The following PLXNA4 variants were observed in gnomAD, a reference collection of about 807,000 sequenced individuals.
The protein encoded by PLXNA4 is plexin-A4.
In PLXNA4, 44 loss-of-function variants were observed where a neutral mutation model predicts 191.8. The ratio of observed to expected loss-of-function variants is 0.23; its 90% confidence interval spans 0.18 to 0.29. PLXNA4 has a LOEUF of 0.29. Among genes scored for constraint, PLXNA4 ranks in the 10% least tolerant of loss-of-function variants. The probability of loss-of-function intolerance (pLI) is 1.00; values close to 1 mark genes in which losing one functional copy is unlikely to be tolerated. For synonymous variants in PLXNA4, 1,082 were observed against 1,009.5 expected (o/e 1.07, Z -1.36); for missense variants, 1,800 against 2,488.8 (o/e 0.72, Z 5.89).
chr7:132,191,743 A>G (rs899942808), intron 14 of PLXNA4, among the ~76,000 whole-genome samples: 1 of 130,678 alleles, frequency 7.7e-6, no homozygotes, highest in Non-Finnish European at 1.6e-5. Flanking sequence ...TTTAGCAAAT[A>G]CCTGGCGAAT....
chr7:132,201,000 T>C lies in PLXNA4; in HGVS notation c.2586+1646A>G, dbSNP rs562240331. Among the ~76,000 whole-genome samples, 6 of 152,340 alleles carry C rather than the reference T, an allele frequency of 3.9e-5. No individual in the cohort carries two copies. The South Asian group carries it at 1.0e-3, about 26-fold the overall frequency. On this transcript the variant is annotated intron_variant, in intron 12 of 31. Transcript: ENST00000321063. ...AAGTTCTAACCCCAGTGTCTCAGAA[T>C]GTGTCCTTATTTGAAGACAGGGTCT...
intron 4 of PLXNA4, among the ~76,000 whole-genome samples, chr7:132,293,735 T>C (rs1800976316): frequency 6.6e-6 from 1 of 152,224 alleles, no homozygotes; most frequent in Admixed American, 6.5e-5. Context: ...AGAAAATGTG[T>C]CCTTCAATCC....
intron 3 of PLXNA4, among the ~76,000 whole-genome samples, chr7:132,425,634 A>G (rs1795013226): frequency 6.6e-6 from 1 of 152,172 alleles, no homozygotes; most frequent in South Asian, 2.1e-4. Flanking sequence ...GCAGGCAGAC[A>G]GGGCCACACA....
intron 1 of PLXNA4, among the ~76,000 whole-genome samples, chr7:132,562,325 CCT>C (rs1170785051): frequency 5.8e-4 from 70 of 120,604 alleles, no homozygotes; most frequent in African/African-American, 1.6e-3. Flanking sequence ...TCTTCCTCCT[CCT>C]CTCTCTCCTC....
chr7:132,465,584 A>C (rs1380015786), intron 3 of PLXNA4, among the ~76,000 whole-genome samples: 2 of 152,134 alleles, frequency 1.3e-5, no homozygotes, highest in African/African-American at 4.8e-5. Context: ...ACCATCCAAA[A>C]TCTCTCTGGG....
At chr7:132,171,020 G>A (rs959636149) in intron 21 of PLXNA4, among the ~76,000 whole-genome samples, 2 of 152,134 alleles carry the variant, frequency 1.3e-5, no homozygotes, top group Non-Finnish European at 2.9e-5. Flanking sequence ...CCCACCACTG[G>A]GGGCTGATGA....
chr7:132,523,233 C>G (rs1234784123), intron 1 of PLXNA4, among the ~76,000 whole-genome samples: 2 of 152,016 alleles, frequency 1.3e-5, no homozygotes, highest in Admixed American at 6.6e-5. Context: ...AGTGTTAAGA[C>G]CTAAAAGAAA....
rs944457792 is a variant in PLXNA4 at position 132,489,371 on chromosome 7, C to A, written c.1292G>T (p.Arg431Leu). Residue 431 changes from arginine (R) to leucine (L), a missense_variant, in exon 3 of 32, where the codon CGC (arginine) becomes CTC (leucine). By Grantham distance (102) the Arg-to-Leu change is moderately radical. This residue lies in a region of PLXNA4 where 1,397 missense variants were observed against 1,880.4 expected (regional missense o/e 0.74). Transcript: ENST00000321063. ...GIPVFTEDRD[R>L]MTSVIAYVYK... Reference sequence around the variant, plus strand: ...GACATATGCGATGACAGACGTCATGCGGTCCCTGTCCTCCGTGAAGACGGG... The same window carrying A: ...GACATATGCGATGACAGACGTCATGAGGTCCCTGTCCTCCGTGAAGACGGG... 4 of 1,606,674 alleles carry A rather than the reference C, an allele frequency of 2.5e-6. No homozygotes were observed. The highest frequency in any genetic ancestry group is 1.1e-5 in the South Asian group (1 of 90,860).
intron 3 of PLXNA4, among the ~76,000 whole-genome samples, chr7:132,410,154 G>C (rs374367893): frequency 6.6e-6 from 1 of 152,106 alleles, no homozygotes; most frequent in Non-Finnish European, 1.5e-5. Flanking sequence ...CAACAGTTTT[G>C]GGCAAACAGG....
At chr7:132,592,383 T>A (rs1015270160) in intron 2 of PLXNA4, among the ~76,000 whole-genome samples, 1 of 152,182 alleles carries the variant, frequency 6.6e-6, no homozygotes. Flanking sequence ...CCAGGAGTCC[T>A]GACACCCGAT....
intron 2 of PLXNA4, among the ~76,000 whole-genome samples, chr7:132,501,352 G>A (rs1026242999): frequency 2.6e-5 from 4 of 152,154 alleles, no homozygotes; most frequent in Non-Finnish European, 5.9e-5. Flanking sequence ...CTGTGCTCGG[G>A]CTCATGACAT....
chr7:132,323,660 C>T (rs2116651052), intron 3 of PLXNA4, among the ~76,000 whole-genome samples: 1 of 152,300 alleles, frequency 6.6e-6, no homozygotes, highest in East Asian at 1.9e-4. Context: ...GTTCCACTTC[C>T]AGGCCACTAT....
At position 132,187,253 on chromosome 7, in the gene PLXNA4, C is replaced by T. The variant is rs185744653; in HGVS notation, c.2993+218G>A. 5.3e-5 allele frequency among the ~76,000 whole-genome samples: 8 copies of T among 152,258 alleles called. No homozygotes were observed. The East Asian group carries it at 5.8e-4, about 11-fold the overall frequency. On this transcript the variant is annotated intron_variant, in intron 15 of 31. Transcript: ENST00000321063. Reference sequence around the variant, plus strand: ...GAGACTGATTTGAATCATACAACTCCGATCTCCCATTTAGCCAGCTCTGTA... The same window carrying T: ...GAGACTGATTTGAATCATACAACTCTGATCTCCCATTTAGCCAGCTCTGTA...
chr7:132,621,549 G>A (rs376645643), intron 2 of PLXNA4, among the ~76,000 whole-genome samples: 2 of 152,122 alleles, frequency 1.3e-5, no homozygotes, highest in Non-Finnish European at 2.9e-5. Flanking sequence ...ATGAGCCATC[G>A]CACCTGGCCA....
At chr7:132,317,865 C>A (rs1267049423) in intron 3 of PLXNA4, among the ~76,000 whole-genome samples, 1 of 152,154 alleles carries the variant, frequency 6.6e-6, no homozygotes, top group Non-Finnish European at 1.5e-5. Context: ...CAGGCAATTT[C>A]AGAAATGGGT....
At chr7:132,563,303 CTCCTCCTTCTCT>C in intron 1 of PLXNA4, among the ~76,000 whole-genome samples, 1 of 111,744 alleles carries the variant, frequency 8.9e-6, no homozygotes, top group Admixed American at 9.3e-5. Context: ...CTTTCTCTTC[CTCCTCCTTCTCT>C]TCCTCCTTCT....
At chr7:132,220,118 A>G (rs1476506644) in intron 9 of PLXNA4, among the ~76,000 whole-genome samples, 1 of 152,238 alleles carries the variant, frequency 6.6e-6, no homozygotes, top group East Asian at 1.9e-4. Flanking sequence ...AAACAACAAC[A>G]TAAAAAAATC....
In PLXNA4 at chr7:132,228,629, C is replaced by A. The variant is rs182640844; in HGVS notation, c.1605-160G>T. Among the ~76,000 whole-genome samples, 57 of 152,306 alleles carry A rather than the reference C, an allele frequency of 3.7e-4. No homozygotes were observed. In the East Asian group the frequency reaches 8.0e-3, roughly 21 times the overall value. ...GTCCTTCCTCAAGCCTGGTCCTCCTCCATCATTCCCAAATTTAGAAAAGAT... is the reference window on the plus strand; with the variant it reads ...GTCCTTCCTCAAGCCTGGTCCTCCTACATCATTCCCAAATTTAGAAAAGAT... On this transcript the variant is annotated intron_variant, in intron 5 of 31. Transcript: ENST00000321063.
intron 6 of PLXNA4, among the ~76,000 whole-genome samples, chr7:132,227,818 C>A (rs1798381382): frequency 6.6e-6 from 1 of 152,120 alleles, no homozygotes; most frequent in South Asian, 2.1e-4. Context: ...AAAGAAACCT[C>A]ATTAGGATGG....
Sources: allele counts gnomAD v4.1 joint callset (sites outside exome capture counted in the v4.1 genomes callset), GRCh38; gene constraint gnomAD v4.1.1; regional missense constraint gnomAD v4.1.1; transcripts MANE v1.5; gene names NCBI Gene and HGNC (gene_info 2026-07-23, HGNC 2026-07-21).